The following BICC1 variants were observed in gnomAD, a reference collection of about 807,000 sequenced individuals.
BICC1 encodes protein bicaudal C homolog 1.
Under a neutral mutation model 111.0 loss-of-function variants are expected in BICC1, and 43 were observed. The ratio of observed to expected loss-of-function variants is 0.39; its 90% CI spans 0.30 to 0.50. The LOEUF (loss-of-function observed/expected upper bound fraction) is 0.50, where lower values mean the gene tolerates loss of function less well. Ranked by LOEUF, BICC1 falls within the 20% of genes least tolerant of loss-of-function variation. The probability of loss-of-function intolerance (pLI) is 0.88; values close to 1 mark genes in which losing one functional copy is unlikely to be tolerated. For missense variants in BICC1, 1,091 were observed against 1,203.2 expected, an observed-to-expected ratio of 0.91 and a Z score of 1.38; for synonymous variants, 467 against 434.4, an observed-to-expected ratio of 1.07 and a Z score of -0.93.
In BICC1 at chr10:58,513,012, T is replaced by C. The variant is rs1490508573; in HGVS notation, c.-132T>C. ...TCAGTGGCGGCGGCGGCGTTGGCGG[T>C]GGCGTCGGCGGCTGCAGGGGGACGA... On this transcript the variant is annotated 5_prime_UTR_variant, in exon 1 of 21. Transcript: ENST00000373886. The C allele has an allele frequency of 5.4e-6, 3 of 557,886 alleles. No individual in the cohort carries two copies. Among genetic ancestry groups the C allele is most frequent in the East Asian group, 1.2e-4 (2 of 17,110 alleles). The allele number at this position is 557,886 out of a possible 1,614,324, so 34.6% of individuals were successfully genotyped here.
At chr10:58,547,308 A>G (rs190344338) in intron 1 of BICC1, among the ~76,000 whole-genome samples, 124 of 152,128 alleles carry the variant, frequency 8.2e-4, no homozygotes, top group African/African-American at 2.9e-3. Flanking sequence ...GCTTTTGATG[A>G]TTTTGACAGT....
intron 1 of BICC1, among the ~76,000 whole-genome samples, chr10:58,591,913 A>G (rs1449760334): frequency 1.3e-5 from 2 of 152,210 alleles, no homozygotes; most frequent in Non-Finnish European, 2.9e-5. Flanking sequence ...CGCTAACCAC[A>G]TATAAAGTTG....
chr10:58,632,074 G>C (rs931222018), intron 2 of BICC1, among the ~76,000 whole-genome samples: 4 of 152,206 alleles, frequency 2.6e-5, no homozygotes, highest in African/African-American at 9.6e-5. Flanking sequence ...TTTTCGGTAT[G>C]TAGTTGGAAA....
chr10:58,557,686 A>G (rs968840019), intron 1 of BICC1, among the ~76,000 whole-genome samples: 8 of 152,046 alleles, frequency 5.3e-5, no homozygotes, highest in East Asian at 3.9e-4. Flanking sequence ...TGTAGTTTTC[A>G]TCTTGAGAAG....
At chr10:58,681,214 C>T (rs527920151) in intron 2 of BICC1, among the ~76,000 whole-genome samples, 12 of 152,254 alleles carry the variant, frequency 7.9e-5, no homozygotes, top group Admixed American at 4.6e-4. Flanking sequence ...AAGCAACTGT[C>T]GTCAGAGTGA....
intron 1 of BICC1, among the ~76,000 whole-genome samples, chr10:58,529,622 A>G (rs570546530): frequency 6.6e-6 from 1 of 152,004 alleles, no homozygotes; most frequent in African/African-American, 2.4e-5. Context: ...GTCTTGCAGG[A>G]GGAATCATGT....
intron 3 of BICC1, among the ~76,000 whole-genome samples, chr10:58,705,378 A>G (rs1366985225): frequency 2.0e-5 from 3 of 152,030 alleles, no homozygotes; most frequent in Non-Finnish European, 4.4e-5. Flanking sequence ...CTGCATTTTT[A>G]TGGATGCATT....
At chr10:58,784,423 T>G (rs949212148) in intron 3 of BICC1, among the ~76,000 whole-genome samples, 6 of 151,948 alleles carry the variant, frequency 3.9e-5, no homozygotes, top group African/African-American at 1.5e-4. Context: ...AAAGTTAAGG[T>G]TTTTTTTCTA....
At chr10:58,668,947 T>C (rs1037240085) in intron 2 of BICC1, among the ~76,000 whole-genome samples, 1 of 152,110 alleles carries the variant, frequency 6.6e-6, no homozygotes, top group African/African-American at 2.4e-5. Flanking sequence ...AACATTTATT[T>C]TGAAATCTAA....
chr10:58,745,629 G>A (rs1357384741), intron 3 of BICC1, among the ~76,000 whole-genome samples: 1 of 119,114 alleles, frequency 8.4e-6, no homozygotes, highest in African/African-American at 3.4e-5. Flanking sequence ...TTTTCTGATG[G>A]CTCCATTCCT....
intron 3 of BICC1, among the ~76,000 whole-genome samples, chr10:58,742,632 T>C (rs1237309186): frequency 1.3e-5 from 2 of 151,858 alleles, no homozygotes; most frequent in Admixed American, 6.6e-5. Flanking sequence ...GAGATGGCGT[T>C]TCACCATATT....
chr10:58,775,122 G>A (rs1259463585), intron 3 of BICC1, among the ~76,000 whole-genome samples: 1 of 151,956 alleles, frequency 6.6e-6, no homozygotes, highest in African/African-American at 2.4e-5. Context: ...CCTGTAATCC[G>A]AGCACTTTGG....
chr10:58,749,413 A>T (rs959570947), intron 3 of BICC1, among the ~76,000 whole-genome samples: 1 of 152,170 alleles, frequency 6.6e-6, no homozygotes, highest in African/African-American at 2.4e-5. Flanking sequence ...TTCCAGTAAG[A>T]ACTTCATATT....
chr10:58,737,118 T>C (rs1278045613), intron 3 of BICC1, among the ~76,000 whole-genome samples: 27 of 152,164 alleles, frequency 1.8e-4, no homozygotes, highest in Admixed American at 1.8e-3. Flanking sequence ...AATTATACTT[T>C]AAGTTTTAGG....
chr10:58,610,382 A>G (rs1165736276), intron 1 of BICC1, among the ~76,000 whole-genome samples: 4 of 152,258 alleles, frequency 2.6e-5, no homozygotes, highest in African/African-American at 9.6e-5. Flanking sequence ...TGCAATCCAC[A>G]TTTTGAGAAG....
intron 3 of BICC1, among the ~76,000 whole-genome samples, chr10:58,744,374 A>T (rs2132617703): frequency 6.6e-6 from 1 of 152,184 alleles, no homozygotes; most frequent in South Asian, 2.1e-4. Flanking sequence ...TCCAAAGAAA[A>T]ATTTTATTGT....
At chr10:58,734,174 G>A (rs1231823162) in intron 3 of BICC1, among the ~76,000 whole-genome samples, 2 of 152,182 alleles carry the variant, frequency 1.3e-5, no homozygotes, top group Admixed American at 6.5e-5. Context: ...TTCACCTAGT[G>A]GAGGGTGAGC....
intron 3 of BICC1, among the ~76,000 whole-genome samples, chr10:58,732,287 AAGG>A (rs1373354938): frequency 1.4e-4 from 21 of 147,564 alleles, no homozygotes; most frequent in East Asian, 1.4e-3. Flanking sequence ...AGAGAGAAAG[AAGG>A]AGAAGAGAGG....
chr10:58,634,210 C>T (rs373690249), intron 2 of BICC1, among the ~76,000 whole-genome samples: 4 of 152,092 alleles, frequency 2.6e-5, no homozygotes, highest in African/African-American at 9.6e-5. Flanking sequence ...CCAGACTGTT[C>T]TCAAACTCCT....
Sources: gnomAD v4.1 joint callset for allele counts (sites outside exome capture counted in the v4.1 genomes callset) on GRCh38, gnomAD v4.1.1 for gene constraint, MANE v1.5 for transcripts, NCBI Gene and HGNC (gene_info 2026-07-23, HGNC 2026-07-21) for gene names.